SNTG2: variants seen among roughly 807,000 people sequenced by gnomAD.
SNTG2 encodes gamma-2-syntrophin.
SNTG2 carries 74 observed loss-of-function variants against 70.9 expected under a neutral mutation model. The ratio of observed to expected loss-of-function variants is 1.04; its 90% confidence interval spans 0.86 to 1.27. SNTG2 has a LOEUF of 1.27. Ranked by LOEUF, SNTG2 falls within the 50% of genes most tolerant of loss-of-function variation. The pLI, the probability that SNTG2 is intolerant of heterozygous loss-of-function variation, is 0.00. For missense variants in SNTG2, 717 were observed against 690.7 expected, an observed-to-expected ratio of 1.04 and a Z score of -0.43; for synonymous variants, 278 against 273.8, an observed-to-expected ratio of 1.02 and a Z score of -0.15.
In SNTG2 at chr2:1,203,690, A is replaced by ATATATG. The variant is rs150383929; in HGVS notation, c.592-5412_592-5411insATATGT. Among the ~76,000 whole-genome samples, 473 of 141,308 alleles carry ATATATG rather than the reference A, an allele frequency of 3.3e-3. 1 individual carries two copies. The highest frequency in any genetic ancestry group is 5.5e-3 in the Admixed American group (76 of 13,924). The allele number at this position is 141,308 out of a possible 152,430, so 92.7% of individuals were successfully genotyped here. On this transcript the variant is annotated intron_variant, in intron 8 of 16. Coordinates refer to ENST00000308624, the MANE Select transcript of SNTG2 (RefSeq NM_018968.4). ...AAAAAAAAAATATATATATATATAT[A>ATATATG]TGTGTGTGTGTGTGTGTGTGTGTAT...
chr2:985,615 G>C (rs180953504), intron 1 of SNTG2, among the ~76,000 whole-genome samples: 7 of 152,262 alleles, frequency 4.6e-5, no homozygotes, highest in African/African-American at 1.7e-4. Flanking sequence ...GAGAGAAACA[G>C]ATGCTGGTAA....
chr2:1,038,040 C>G (rs114015657), intron 1 of SNTG2, among the ~76,000 whole-genome samples: 173 of 152,262 alleles, frequency 1.1e-3, no homozygotes, highest in African/African-American at 3.9e-3. Flanking sequence ...ACAACTGTGG[C>G]ATTTTGTATT....
chr2:1,243,176 C>A (rs1677158984), intron 11 of SNTG2, among the ~76,000 whole-genome samples: 2 of 152,208 alleles, frequency 1.3e-5, no homozygotes, highest in South Asian at 4.1e-4. Flanking sequence ...TTATTGCCAT[C>A]TTGGGCCAAC....
intron 1 of SNTG2, among the ~76,000 whole-genome samples, chr2:958,413 G>A (rs908354936): frequency 1.2e-4 from 19 of 152,160 alleles, no homozygotes; most frequent in Admixed American, 2.6e-4. Context: ...CACACACATA[G>A]CAGTGAAATG....
chr2:1,192,310 G>A (rs539456929), intron 8 of SNTG2, among the ~76,000 whole-genome samples: 1 of 152,292 alleles, frequency 6.6e-6, no homozygotes, highest in Admixed American at 6.5e-5. Context: ...GCTCTGCAGC[G>A]GGTGCCAAGA....
intron 8 of SNTG2, among the ~76,000 whole-genome samples, chr2:1,196,265 TCAAG>T (rs1310451260): frequency 1.3e-5 from 2 of 152,124 alleles, no homozygotes; most frequent in Admixed American, 1.3e-4. Context: ...ATAAAGTAGA[TCAAG>T]CAAAATAATG....
chr2:1,010,612 T>G (rs1307300066), intron 1 of SNTG2, among the ~76,000 whole-genome samples: 1 of 152,230 alleles, frequency 6.6e-6, no homozygotes, highest in Non-Finnish European at 1.5e-5. Context: ...AAACAGAGTC[T>G]CTTTTCATTG....
chr2:1,363,739 G>C (rs11894739), intron 16 of SNTG2, among the ~76,000 whole-genome samples: 1 of 152,028 alleles, frequency 6.6e-6, no homozygotes, highest in Non-Finnish European at 1.5e-5. Context: ...GGTAATACTT[G>C]GTTAGAAAAT....
At chr2:957,375 C>T (rs1660200325) in intron 1 of SNTG2, among the ~76,000 whole-genome samples, 1 of 152,068 alleles carries the variant, frequency 6.6e-6, no homozygotes, top group Non-Finnish European at 1.5e-5. Context: ...CTCTGGGTCT[C>T]AGGCCTCCTT....
intron 12 of SNTG2, among the ~76,000 whole-genome samples, chr2:1,247,889 C>T (rs1279211427): frequency 1.3e-5 from 2 of 152,098 alleles, no homozygotes; most frequent in Non-Finnish European, 1.5e-5. Context: ...TAGTGGGGTC[C>T]ATAATATAAA....
chr2:1,182,692 C>T (rs867636436), intron 8 of SNTG2, among the ~76,000 whole-genome samples: 7 of 152,256 alleles, frequency 4.6e-5, no homozygotes, highest in African/African-American at 1.4e-4. Context: ...GCATCTTTGT[C>T]GAGGATAGCA....
intron 9 of SNTG2, among the ~76,000 whole-genome samples, chr2:1,216,905 G>T (rs1386503801): frequency 6.6e-6 from 1 of 151,710 alleles, no homozygotes; most frequent in African/African-American, 2.4e-5. Flanking sequence ...TTTGTAAGGG[G>T]CTCTTTCCCT....
At chr2:1,234,108 C>T (rs1439119710) in intron 9 of SNTG2, among the ~76,000 whole-genome samples, 1 of 152,062 alleles carries the variant, frequency 6.6e-6, no homozygotes, top group Non-Finnish European at 1.5e-5. Flanking sequence ...GTAGAGAGGC[C>T]GGGTTCCAAC....
intron 9 of SNTG2, among the ~76,000 whole-genome samples, chr2:1,233,684 C>T (rs778474484): frequency 6.6e-5 from 10 of 152,182 alleles, no homozygotes; most frequent in Non-Finnish European, 1.5e-4. Flanking sequence ...GTGCTTTGAA[C>T]GTTATTGGAA....
chr2:1,100,986 G>T (rs1316006370), intron 4 of SNTG2, among the ~76,000 whole-genome samples: 4 of 152,172 alleles, frequency 2.6e-5, no homozygotes, highest in Non-Finnish European at 5.9e-5. Flanking sequence ...CCTGCCTCAG[G>T]CAACCAAGGC....
chr2:1,202,602 A>G (rs1431199547), intron 8 of SNTG2, among the ~76,000 whole-genome samples: 2 of 152,190 alleles, frequency 1.3e-5, no homozygotes, highest in African/African-American at 4.8e-5. Context: ...AATGGACTAA[A>G]CATTTTAATT....
intron 1 of SNTG2, among the ~76,000 whole-genome samples, chr2:1,040,204 G>A (rs1266006091): frequency 6.6e-6 from 1 of 152,090 alleles, no homozygotes; most frequent in African/African-American, 2.4e-5. Context: ...ATCACCTGCA[G>A]GCAGGATAAA....
At chr2:1,259,103 TTATC>T (rs779813969) in intron 12 of SNTG2, among the ~76,000 whole-genome samples, 15 of 152,224 alleles carry the variant, frequency 9.9e-5, no homozygotes, top group Admixed American at 2.0e-4. Context: ...GATATCAATC[TTATC>T]TATCTAAGAT....
chr2:1,069,794 AAAAT>A (rs1015032769), intron 1 of SNTG2, among the ~76,000 whole-genome samples: 19 of 152,248 alleles, frequency 1.2e-4, no homozygotes, highest in Admixed American at 2.0e-4. Context: ...CGTCTCAAAA[AAAAT>A]AAATAAATAC....
Sources: gnomAD v4.1 joint callset for allele counts (sites outside exome capture counted in the v4.1 genomes callset) on GRCh38, gnomAD v4.1.1 for gene constraint, MANE v1.5 for transcripts, NCBI Gene and HGNC (gene_info 2026-07-23, HGNC 2026-07-21) for gene names.